Variants in PAPOLG observed in about 807,000 individuals in gnomAD.
PAPOLG encodes the protein PAP-gamma.
Under a neutral mutation model 99.0 loss-of-function variants are expected in PAPOLG, and 40 were observed. That is an observed-to-expected ratio of 0.40 (90% CI 0.31 to 0.53). The LOEUF is 0.53. PAPOLG is among the 20% of genes least tolerant of loss of function. PAPOLG has a pLI of 0.41. For missense variants in PAPOLG, 675 were observed against 884.1 expected (o/e 0.76, Z 3.00); for synonymous variants, 310 against 299.3 (o/e 1.04, Z -0.37).
chr2:60,758,277 T>G (rs2103749863), intron 1 of PAPOLG, among the ~76,000 whole-genome samples: 1 of 149,638 alleles, frequency 6.7e-6, no homozygotes, highest in African/African-American at 2.4e-5. Context: ...TTGTTTGTTC[T>G]ACAACAAAAT....
chr2:60,784,207 G>A (rs749777013), intron 13 of PAPOLG, among the ~76,000 whole-genome samples: 4 of 152,138 alleles, frequency 2.6e-5, no homozygotes, highest in Non-Finnish European at 5.9e-5. Context: ...TCCTCACCTC[G>A]TGATCCACCC....
chr2:60,775,726 G>A (rs1670995777), intron 8 of PAPOLG, among the ~76,000 whole-genome samples: 1 of 151,532 alleles, frequency 6.6e-6, no homozygotes, highest in African/African-American at 2.4e-5. Flanking sequence ...TTGTTTCCCA[G>A]TGCATATAAA....
In PAPOLG at chr2:60,760,245, C is replaced by G; in HGVS notation, c.129C>G (p.Asp43Glu). 6.2e-7 allele frequency: 1 copy of G among 1,613,954 alleles called. No individual in the cohort carries two copies. Among genetic ancestry groups the G allele is most frequent in the Non-Finnish European group, 8.5e-7 (1 of 1,179,904 alleles). Residue 43 changes from aspartate to glutamate, a missense_variant, in exon 2 of 22, where the codon GAC (aspartate) becomes GAG (glutamate). Asp to Glu is a conservative substitution (Grantham distance 45, BLOSUM62 2). Coordinates refer to ENST00000238714, the MANE Select transcript of PAPOLG (RefSeq NM_022894.4). ...IDHIYTQKLIDAMKPFGVFED... is the reference protein window; with the variant it reads ...IDHIYTQKLIEAMKPFGVFED... ...ATATTTACACACAGAAATTAATTGA[C>G]GCCATGAAACCATTTGGAGTGTTTG... is the stretch of plus-strand genomic sequence containing the variant.
At chr2:60,792,361 A>G (rs150008471) in intron 17 of PAPOLG, 72 bp downstream of exon 17, 12 of 1,335,456 alleles carry the variant, frequency 9.0e-6, no homozygotes, top group African/African-American at 3.0e-5. Context: ...GAACTTTTCT[A>G]TACCTCTGCT....
chr2:60,790,522 T>C (rs188526714), intron 15 of PAPOLG, among the ~76,000 whole-genome samples: 51 of 152,316 alleles, frequency 3.3e-4, no homozygotes, highest in African/African-American at 1.2e-3. Flanking sequence ...TATTTACAAT[T>C]AAAACATTAA....
chr2:60,795,973 G>C (rs866046573), intron 21 of PAPOLG, among the ~76,000 whole-genome samples: 1 of 151,954 alleles, frequency 6.6e-6, no homozygotes, highest in Admixed American at 6.6e-5. Context: ...AGGGAAAGTG[G>C]GTACACCAAA....
rs1671766748 is a variant in PAPOLG at position 60,798,123 on chromosome 2, C to T, written c.*963C>T. 6.5e-6 allele frequency: 1 copy of T among 152,758 alleles called. No individual in the cohort carries two copies. Among genetic ancestry groups the T allele is most frequent in the African/African-American group, 2.4e-5 (1 of 41,434 alleles). The allele number at this position is 152,758 out of a possible 1,614,324, so 9.5% of individuals were successfully genotyped here. ...TTCCTGATCATTATTTACCCCACAA[C>T]TTCAAATAGTTTCTTCACGGACTAG... On this transcript the variant is annotated 3_prime_UTR_variant, in exon 22 of 22. Transcript: ENST00000238714.
rs2103839703 is a variant in PAPOLG at position 60,800,525 on chromosome 2, G to A, written c.*3365G>A. 1 of 152,450 alleles carries A rather than the reference G, an allele frequency of 6.6e-6. No homozygotes were observed. The highest frequency in any genetic ancestry group is 6.5e-5 in the Admixed American group (1 of 15,296). 9.4% of individuals were successfully genotyped at this position (152,450 alleles called of 1,614,324 possible). ...AAATCTATGTTAGTGTTTAAAATGAGTGCTTTGTTTTAAAGCAGCAATTTA... is the reference window on the plus strand; with the variant it reads ...AAATCTATGTTAGTGTTTAAAATGAATGCTTTGTTTTAAAGCAGCAATTTA... On this transcript the variant is annotated 3_prime_UTR_variant, in exon 22 of 22. Transcript: ENST00000238714.
intron 1 of PAPOLG, among the ~76,000 whole-genome samples, chr2:60,756,879 C>G (rs1670360344): frequency 6.6e-6 from 1 of 152,050 alleles, no homozygotes; most frequent in African/African-American, 2.4e-5. Context: ...TCCCCCTCCT[C>G]CCTTCCCGAC....
At chr2:60,757,212 A>T (rs777731344) in intron 1 of PAPOLG, among the ~76,000 whole-genome samples, 1 of 152,260 alleles carries the variant, frequency 6.6e-6, no homozygotes, top group Non-Finnish European at 1.5e-5. Flanking sequence ...GTAACTGTAC[A>T]CACATACACG....
In PAPOLG at chr2:60,791,850, C is replaced by G. The variant is rs1259710312; in HGVS notation, c.1486C>G (p.Leu496Val). ...AAAGAAAAAACAACTTCACCACTAC[C>G]TTCCTGCAGAAATTCTTCAAAAGAA... The part of the protein sequence containing the change: ...HVKKKQLHHY[L>V]PAEILQKKKK... Residue 496 changes from leucine (L) to valine (V), a missense_variant, in exon 16 of 22, where the codon CTT (leucine) becomes GTT (valine). By Grantham distance (32) the Leu-to-Val change is conservative. Around this residue, in one of 3 missense-constraint regions of PAPOLG, gnomAD observed 413 missense variants for 460.5 expected, o/e 0.90. Transcript: ENST00000238714. 2 of 1,613,214 alleles carry G rather than the reference C, an allele frequency of 1.2e-6. No individual in the cohort carries two copies. The highest frequency in any genetic ancestry group is 8.5e-7 in the Non-Finnish European group (1 of 1,179,818).
intron 3 of PAPOLG, among the ~76,000 whole-genome samples, chr2:60,763,000 A>G (rs1486830783): frequency 1.3e-5 from 2 of 151,094 alleles, no homozygotes; most frequent in Non-Finnish European, 1.5e-5. Context: ...GCTATAGTGC[A>G]GTGGCATGAT....
chr2:60,771,153 A>G (rs1194660494), intron 6 of PAPOLG, among the ~76,000 whole-genome samples: 1 of 152,212 alleles, frequency 6.6e-6, no homozygotes, highest in Non-Finnish European at 1.5e-5. Context: ...ACATCAAAAT[A>G]ATACTAAACA....
intron 15 of PAPOLG, among the ~76,000 whole-genome samples, chr2:60,790,880 G>A (rs1308552592): frequency 6.6e-6 from 1 of 152,160 alleles, no homozygotes. Context: ...CTTGAGGTCA[G>A]GAGTTCAAGA....
intron 8 of PAPOLG, 139 bp downstream of exon 8, chr2:60,775,262 C>G (rs1283636305): frequency 1.9e-5 from 20 of 1,041,412 alleles, no homozygotes. Context: ...TAGCTATTTG[C>G]TTTTCAAGTA....
In PAPOLG at chr2:60,797,392, G is replaced by A; in HGVS notation, c.*232G>A. 1 of 534,278 alleles carries A rather than the reference G, an allele frequency of 1.9e-6. No homozygotes were observed. The highest frequency in any genetic ancestry group is 3.3e-6 in the Non-Finnish European group (1 of 301,396). 33.1% of individuals were successfully genotyped at this position (534,278 alleles called of 1,614,324 possible). On this transcript the variant is annotated 3_prime_UTR_variant, in exon 22 of 22. Transcript: ENST00000238714. ...TCTGAGGATCACCTGCTGTCAAATT[G>A]CCATCTACAGTATTACAGCTTTGCA... is the stretch of plus-strand genomic sequence containing the variant.
intron 10 of PAPOLG, among the ~76,000 whole-genome samples, chr2:60,781,031 T>C (rs772022492): frequency 6.6e-6 from 1 of 152,200 alleles, no homozygotes. Context: ...GACAGTGTCA[T>C]AATCCAGTGT....
In PAPOLG at chr2:60,766,679, T is replaced by TA. The variant is rs35841274; in HGVS notation, c.247-1775dup. ...CAGTGAAACCCCGTCTCCATCTGTTTAAAAAAAAAAAAAAAACCCAAAAAA... is the reference window on the plus strand; with the variant it reads ...CAGTGAAACCCCGTCTCCATCTGTTTAAAAAAAAAAAAAAAAACCCAAAAAA... On this transcript the variant is annotated intron_variant, in intron 3 of 21. Transcript: ENST00000238714. Among the ~76,000 whole-genome samples the TA allele has an allele frequency of 4.6e-3, 609 of 131,914 alleles. 1 individual carries two copies. Among genetic ancestry groups the TA allele is most frequent in the East Asian group, 0.014 (62 of 4,512 alleles). The allele number at this position is 131,914 out of a possible 152,430, so 86.5% of individuals were successfully genotyped here.
rs1671808671 is a variant in PAPOLG, at chr2:60,799,903, G to A, written c.*2743G>A. 1.3e-5 allele frequency: 2 copies of A among 152,204 alleles called. No homozygotes were observed. Among genetic ancestry groups the A allele is most frequent in the Non-Finnish European group, 2.9e-5 (2 of 68,058 alleles). 9.4% of individuals were successfully genotyped at this position (152,204 alleles called of 1,614,324 possible). On this transcript the variant is annotated 3_prime_UTR_variant, in exon 22 of 22. Coordinates refer to ENST00000238714, the MANE Select transcript of PAPOLG (RefSeq NM_022894.4). ...GCGTCCCAAAGTGCTGGGATTACAG[G>A]CGTGAACCACCGCACCCGGCCGTGT...
Sources: gnomAD v4.1 joint callset for allele counts (sites outside exome capture counted in the v4.1 genomes callset) on GRCh38, gnomAD v4.1.1 for gene constraint, gnomAD v4.1.1 regional missense constraint, MANE v1.5 for transcripts, NCBI Gene and HGNC (gene_info 2026-07-23, HGNC 2026-07-21) for gene names.